DLC1: variants seen among roughly 807,000 people sequenced by gnomAD.
DLC1 encodes the protein rho GTPase-activating protein 7.
A neutral mutation model predicts 140.3 loss-of-function variants in DLC1; 54 were observed. That is an observed-to-expected ratio of 0.38 (90% CI 0.31 to 0.48). DLC1 has a LOEUF of 0.48. DLC1 is among the 20% of genes least tolerant of loss of function. The probability of loss-of-function intolerance (pLI) is 0.96; values close to 1 mark genes in which losing one functional copy is unlikely to be tolerated. For synonymous variants in DLC1, 986 were observed against 728.1 expected, an observed-to-expected ratio of 1.35 and a Z score of -5.70; for missense variants, 2,536 against 1,907.0, an observed-to-expected ratio of 1.33 and a Z score of -6.14.
chr8:13,591,369 T>C (rs1017143386), intron 1 of DLC1, among the ~76,000 whole-genome samples: 1 of 152,070 alleles, frequency 6.6e-6, no homozygotes, highest in African/African-American at 2.4e-5. Context: ...GTTCTTGTGA[T>C]AGTGAGTGAG....
chr8:13,555,084 C>T (rs1051035286), intron 1 of DLC1, among the ~76,000 whole-genome samples: 1 of 152,226 alleles, frequency 6.6e-6, no homozygotes, highest in Admixed American at 6.5e-5. Flanking sequence ...CACTTTTGCT[C>T]GATAACCTCA....
At chr8:13,492,651 G>T (rs4831236) in intron 2 of DLC1, among the ~76,000 whole-genome samples, 1 of 151,976 alleles carries the variant, frequency 6.6e-6, no homozygotes, top group Non-Finnish European at 1.5e-5. Flanking sequence ...ATGGAATAAA[G>T]TCTGCTAACT....
At chr8:13,301,166 T>C (rs1399122551) in intron 5 of DLC1, among the ~76,000 whole-genome samples, 5 of 151,862 alleles carry the variant, frequency 3.3e-5, no homozygotes, top group Admixed American at 3.3e-4. Context: ...CTGAAACTAA[T>C]ATTTTTTTGA....
chr8:13,453,446 A>G (rs1323572396), intron 2 of DLC1, among the ~76,000 whole-genome samples: 30 of 29,986 alleles, frequency 1.0e-3, no homozygotes, highest in East Asian at 2.8e-3. Context: ...ATGTATATAT[A>G]TACATATATA....
chr8:13,590,400 A>G (rs766628808), intron 1 of DLC1, among the ~76,000 whole-genome samples: 9 of 152,060 alleles, frequency 5.9e-5, no homozygotes, highest in Non-Finnish European at 1.3e-4. Context: ...CAGTGTGAGA[A>G]GGTGGTCATA....
intron 1 of DLC1, among the ~76,000 whole-genome samples, chr8:13,575,929 G>C (rs1028446801): frequency 6.6e-6 from 1 of 152,170 alleles, no homozygotes; most frequent in East Asian, 1.9e-4. Context: ...TGTGTGGCAA[G>C]AGAGTCCCAC....
At chr8:13,567,003 C>A (rs1299893475) in intron 1 of DLC1, 1 of 1,547,854 alleles carries the variant, frequency 6.5e-7, no homozygotes, top group South Asian at 1.2e-5. Context: ...TGGCCATCTG[C>A]CCAGAATTGG....
chr8:13,377,977 G>T (rs1836077970), intron 4 of DLC1, among the ~76,000 whole-genome samples: 2 of 151,092 alleles, frequency 1.3e-5, no homozygotes, highest in African/African-American at 2.4e-5. Context: ...ATAAAAATAT[G>T]TTAAGTGTAG....
intron 5 of DLC1, among the ~76,000 whole-genome samples, chr8:13,247,709 T>A (rs939388683): frequency 6.6e-6 from 1 of 152,238 alleles, no homozygotes; most frequent in Non-Finnish European, 1.5e-5. Context: ...AATGCCTGTC[T>A]TTGAAGATAT....
chr8:13,367,894 G>A (rs1835561440), intron 4 of DLC1, among the ~76,000 whole-genome samples: 1 of 152,144 alleles, frequency 6.6e-6, no homozygotes, highest in Admixed American at 6.5e-5. Context: ...GCCTTGAGAA[G>A]TTTTTCGGCT....
At position 13,218,865 on chromosome 8, in the gene DLC1, A is replaced by AATATAATTATATAATTATATATGAATAT. The variant is rs2117140896; in HGVS notation, c.1348+86376_1348+86403dup. On this transcript the variant is annotated intron_variant, in intron 5 of 17. Coordinates refer to ENST00000276297, the MANE Select transcript of DLC1 (RefSeq NM_182643.3). ...GAATATAATTATATAATTATATATG[A>AATATAATTATATAATTATATATGAATAT]ATATAATTATATAATTATATATGAA... 2.3e-5 allele frequency among the ~76,000 whole-genome samples: 3 copies of AATATAATTATATAATTATATATGAATAT among 129,028 alleles called. 1 individual carries two copies. Among genetic ancestry groups the AATATAATTATATAATTATATATGAATAT allele is most frequent in the African/African-American group, 9.0e-5 (3 of 33,326 alleles). 84.6% of individuals were successfully genotyped at this position (129,028 alleles called of 152,430 possible).
intron 4 of DLC1, among the ~76,000 whole-genome samples, chr8:13,385,724 A>G (rs13257947): frequency 0.016 from 2,472 of 152,312 alleles, 90 homozygotes; most frequent in African/African-American, 0.055. Context: ...GCTCAAAACT[A>G]TAGTCAAGAA....
At chr8:13,509,273 G>C (rs537890678) in intron 1 of DLC1, among the ~76,000 whole-genome samples, 1 of 152,222 alleles carries the variant, frequency 6.6e-6, no homozygotes, top group South Asian at 2.1e-4. Context: ...ATCAACCCAG[G>C]TGCTCAGATA....
intron 5 of DLC1, among the ~76,000 whole-genome samples, chr8:13,130,583 A>C (rs1821997852): frequency 6.6e-6 from 1 of 152,228 alleles, no homozygotes; most frequent in Non-Finnish European, 1.5e-5. Flanking sequence ...AAAATCCTTC[A>C]ATCTTTCCAG....
chr8:13,201,822 G>A lies in DLC1; in HGVS notation c.1349-86165C>T, dbSNP rs1026004924. Among the ~76,000 whole-genome samples the A allele has an allele frequency of 5.3e-5, 8 of 150,658 alleles. No individual in the cohort carries two copies. The South Asian group carries it at 1.1e-3, about 20-fold the overall frequency. On this transcript the variant is annotated intron_variant, in intron 5 of 17. Transcript: ENST00000276297. The stretch of plus-strand genomic sequence containing the variant: ...AACATTTATTTATTTTATGTTCAGG[G>A]GTATATACATGCCGGTTTGTTATAT...
upstream of DLC1, among the ~76,000 whole-genome samples, chr8:13,518,308 C>T (rs537682888): frequency 2.6e-5 from 4 of 152,220 alleles, no homozygotes; most frequent in South Asian, 4.2e-4. Context: ...AGGGTTTCAT[C>T]GTGTTGGCCA....
chr8:13,131,369 C>T (rs922784533), intron 5 of DLC1, among the ~76,000 whole-genome samples: 1 of 152,174 alleles, frequency 6.6e-6, no homozygotes, highest in Non-Finnish European at 1.5e-5. Context: ...TAATCTGAGA[C>T]TCAGTATTCT....
intron 15 of DLC1, 40 bp downstream of exon 15, chr8:13,090,212 C>T: frequency 6.3e-7 from 1 of 1,588,598 alleles, no homozygotes. Context: ...CAAGCTTCGA[C>T]TCCTGGACTC....
chr8:13,184,917 T>C (rs182672321), intron 5 of DLC1, among the ~76,000 whole-genome samples: 2 of 152,148 alleles, frequency 1.3e-5, no homozygotes, highest in Non-Finnish European at 2.9e-5. Context: ...CTCTCATTGT[T>C]TTTGTGTGAG....
Sources: allele counts gnomAD v4.1 joint callset (sites outside exome capture counted in the v4.1 genomes callset), GRCh38; gene constraint gnomAD v4.1.1; transcripts MANE v1.5; gene names NCBI Gene and HGNC (gene_info 2026-07-23, HGNC 2026-07-21).